The following MYH3 variants were observed in gnomAD, a reference collection of about 807,000 sequenced individuals.
The protein encoded by MYH3 is myosin heavy chain 3, also known as myosin-3.
In MYH3, 130 loss-of-function variants were observed where a neutral mutation model predicts 238.0. That is an observed-to-expected ratio of 0.55 (90% CI 0.47 to 0.63). The LOEUF (loss-of-function observed/expected upper bound fraction) is 0.63, where lower values mean the gene tolerates loss of function less well. Among genes scored for constraint, MYH3 ranks in the 30% least tolerant of loss-of-function variants. The pLI, the probability that MYH3 is intolerant of heterozygous loss-of-function variation, is 0.00. For missense variants in MYH3, 1,853 were observed against 2,374.9 expected, an observed-to-expected ratio of 0.78 and a Z score of 4.57; for synonymous variants, 880 against 924.1, an observed-to-expected ratio of 0.95 and a Z score of 0.86.
Position 10,642,620 on chromosome 17 carries a change from T to C in MYH3, c.1685A>G (p.Asn562Ser), listed in dbSNP as rs202059106. The C allele has an allele frequency of 3.1e-6, 5 of 1,614,110 alleles. No homozygotes were observed. In the African/African-American group the frequency reaches 4.0e-5, roughly 13 times the overall value. The change falls in exon 16 of 41, where the codon AAC (asparagine) becomes AGC (serine). Residue 562 changes from asparagine to serine, a missense_variant. Transcript: ENST00000583535. This position sits in a 1 kb window ranked among gnomAD's most constrained non-coding sequence, Gnocchi z 5.4. ...GACCACCTTGGGCTTCTGGAAGTTG[T>C]TGGACTTTCCAAGATGCTGGTCATA... Reference protein sequence around the residue: ...KLYDQHLGKSNNFQKPKVVKG... With the variant: ...KLYDQHLGKSSNFQKPKVVKG...
chr17:10,644,708 A>C lies in MYH3; in HGVS notation c.1142-6T>G. The stretch of plus-strand genomic sequence containing the variant: ...ATAGGCTGTTTTGTCAGCCACTGGC[A>C]AGAAAACAAGGACAGTGCTTAGAAA... On this transcript the variant is annotated splice_region_variant and splice_polypyrimidine_tract_variant and intron_variant, in intron 12 of 40. Coordinates refer to ENST00000583535, the MANE Select transcript of MYH3 (RefSeq NM_002470.4). 6.3e-7 allele frequency: 1 copy of C among 1,594,048 alleles called. No individual in the cohort carries two copies. Among genetic ancestry groups the C allele is most frequent in the Non-Finnish European group, 8.6e-7 (1 of 1,162,086 alleles).
In MYH3 at chr17:10,634,331, A is replaced by G; in HGVS notation, c.4357-149T>C. 11 of 920,144 alleles carry G rather than the reference A, an allele frequency of 1.2e-5. No homozygotes were observed. The South Asian group carries it at 1.5e-4, about 13-fold the overall frequency. 57.0% of individuals were successfully genotyped at this position (920,144 alleles called of 1,614,324 possible). On this transcript the variant is annotated intron_variant, in intron 31 of 40. Coordinates refer to ENST00000583535, the MANE Select transcript of MYH3 (RefSeq NM_002470.4). The stretch of plus-strand genomic sequence containing the variant: ...GTTGTCGATTATTGGGCTAATCAAG[A>G]TTCTGTTCCATAAATGTACTCAAGG...
chr17:10,648,035 T>C (rs961425976), intron 8 of MYH3, among the ~76,000 whole-genome samples: 2 of 152,256 alleles, frequency 1.3e-5, no homozygotes, highest in African/African-American at 4.8e-5. Context: ...CCCTGGCTTA[T>C]AGAATCCCTC....
At chr17:10,666,244 A>G in the MYH3 span, among the ~76,000 whole-genome samples, 3 of 152,230 alleles carry the variant, frequency 2.0e-5, no homozygotes, top group Non-Finnish European at 4.4e-5. Flanking sequence ...ATCCAACATC[A>G]TAACAATTAA....
chr17:10,630,496 G>C (rs778547952), intron 36 of MYH3, 38 bp from the exon 37 acceptor site: 11 of 1,613,534 alleles, frequency 6.8e-6, no homozygotes, highest in Non-Finnish European at 8.5e-6. Flanking sequence ...TGCAGAGGAA[G>C]CTCCAGTGCC....
rs192765995 is a variant in MYH3 at position 10,638,005 on chromosome 17, G to A, written c.3729+38C>T. The A allele has an allele frequency of 7.5e-5, 121 of 1,614,062 alleles. No homozygotes were observed. The East Asian group carries it at 2.1e-3, about 29-fold the overall frequency. ...GTTTCAATGACCACGGAGTGTGTCT[G>A]ATGGAAAGCCTTGAGCCACCCCCAC... On this transcript the variant is annotated intron_variant, in intron 27 of 40. Transcript: ENST00000583535.
At chr17:10,670,394 C>T in the MYH3 span, among the ~76,000 whole-genome samples, 6 of 152,194 alleles carry the variant, frequency 3.9e-5, no homozygotes, top group Non-Finnish European at 5.9e-5. This position sits in a 1 kb window ranked among gnomAD's most constrained non-coding sequence, Gnocchi z 7.0. Context: ...CAGAGATAAA[C>T]TATCTTACTG....
the MYH3 span, among the ~76,000 whole-genome samples, chr17:10,669,323 C>A: frequency 6.6e-6 from 1 of 152,108 alleles, no homozygotes; most frequent in African/African-American, 2.4e-5. Context: ...GAGGCCCAGG[C>A]AGGCAGATCA....
At position 10,640,381 on chromosome 17, in the gene MYH3, C is replaced by T. The variant is rs1343338130; in HGVS notation, c.2378G>A (p.Cys793Tyr). 2.5e-6 allele frequency: 4 copies of T among 1,614,138 alleles called. No homozygotes were observed. Among genetic ancestry groups the T allele is most frequent in the African/African-American group, 1.3e-5 (1 of 74,942 alleles). Residue 793 changes from cysteine (C) to tyrosine (Y), a missense_variant, in exon 21 of 41, where the codon TGC becomes TAC. Cys to Tyr is a radical substitution (Grantham distance 194). This residue lies in a region of MYH3 where 678 missense variants were observed against 1,058.9 expected (regional missense o/e 0.64). Transcript: ENST00000583535. Reference sequence around the variant, plus strand: ...TTCCACACGCATGAGGAACCCTCTGCACACAGCTTGTGTCCGGGTGATTAG... The same window carrying T: ...TTCCACACGCATGAGGAACCCTCTGTACACAGCTTGTGTCCGGGTGATTAG... ...AKLITRTQAV[C>Y]RGFLMRVEFQ...
At chr17:10,664,491 A>T in the MYH3 span, among the ~76,000 whole-genome samples, 2 of 152,222 alleles carry the variant, frequency 1.3e-5, no homozygotes, top group Admixed American at 1.3e-4. Flanking sequence ...GAGTTATGAC[A>T]TAAGCTGGAA....
chr17:10,644,318 C>T (rs754976257), intron 14 of MYH3, 33 bp downstream of exon 14: 6 of 1,599,232 alleles, frequency 3.8e-6, no homozygotes, highest in Admixed American at 1.7e-5. Context: ...TCATATGAAG[C>T]CATATGAAAA....
intron 4 of MYH3, chr17:10,652,069 G>A (rs892062628): frequency 2.5e-6 from 1 of 397,306 alleles, no homozygotes; most frequent in Non-Finnish European, 4.8e-6. Context: ...TGTTTCTTTG[G>A]GATAAACTTA....
chr17:10,638,133 C>T lies in MYH3; in HGVS notation c.3639G>A (p.Arg1213=). The T allele has an allele frequency of 6.2e-7, 1 of 1,613,818 alleles. No individual in the cohort carries two copies. The highest frequency in any genetic ancestry group is 8.5e-7 in the Non-Finnish European group (1 of 1,179,990). Residue 1213 remains arginine (R), a synonymous_variant, in exon 27 of 41, where the codon CGG becomes CGA. Transcript: ENST00000583535. ...TCTCCTTCTCCAGCTTCTGCTTGAC[C>T]CGCTGCAGGTTGTCAATCTGCTCCC... ...ELGEQIDNLQ[R]VKQKLEKEKS... is the part of the protein sequence containing the mutation.
the MYH3 span, among the ~76,000 whole-genome samples, chr17:10,668,782 T>G: frequency 1.3e-5 from 2 of 152,220 alleles, no homozygotes; most frequent in Admixed American, 1.3e-4. Flanking sequence ...AGTTTTCTGA[T>G]GCTTTAGTTT....
At position 10,648,570 on chromosome 17, in the gene MYH3, T is replaced by C. The variant is rs760944957; in HGVS notation, c.722A>G (p.Asn241Ser). The change falls in exon 8 of 41, where the codon AAC (asparagine) becomes AGC (serine). Residue 241 changes from asparagine (N) to serine (S), a missense_variant. Physicochemically the swap from Asn to Ser is conservative, Grantham distance 46 (BLOSUM62 1). Around this residue, in one of 3 missense-constraint regions of MYH3, gnomAD observed 678 missense variants for 1,058.9 expected, o/e 0.64. Coordinates refer to ENST00000583535, the MANE Select transcript of MYH3 (RefSeq NM_002470.4). Reference protein sequence around the residue: ...FGNAKTVRNDNSSRFGKFIRI... With the variant: ...FGNAKTVRNDSSSRFGKFIRI... ...ACTCAGACTCACAAAACGGGAGGAG[T>C]TGTCATTCCTCACAGTCTTGGCGTT... The C allele has an allele frequency of 1.4e-5, 23 of 1,613,384 alleles. No individual in the cohort carries two copies. Among genetic ancestry groups the C allele is most frequent in the Admixed American group, 1.3e-4 (8 of 59,958 alleles).
the MYH3 span, chr17:10,674,956 G>C: frequency 6.6e-6 from 1 of 152,226 alleles, no homozygotes; most frequent in Non-Finnish European, 1.5e-5. Context: ...GACTGACAAC[G>C]ACCAGCTGCT....
intron 31 of MYH3, 84 bp from the exon 32 acceptor site, chr17:10,634,266 A>G: frequency 6.6e-7 from 1 of 1,516,654 alleles, no homozygotes; most frequent in Non-Finnish European, 9.1e-7. Context: ...AATTAAATGC[A>G]GAGTTAGGGC....
chr17:10,662,040 T>TTTTTG (rs758043973), upstream of MYH3, among the ~76,000 whole-genome samples: 15 of 151,528 alleles, frequency 9.9e-5, no homozygotes, highest in East Asian at 2.5e-3. Flanking sequence ...TTTTTTTTTT[T>TTTTTG]AGACAGGGTC....
rs1230080457 is a variant in MYH3, at chr17:10,640,410, G to A, written c.2349C>T (p.Ala783=). Residue 783 remains alanine (A), a synonymous_variant, in exon 21 of 41, where the codon GCC becomes GCT. Coordinates refer to ENST00000583535, the MANE Select transcript of MYH3 (RefSeq NM_002470.4). The stretch of plus-strand genomic sequence containing the variant: ...CAGCTTGTGTCCGGGTGATTAGTTT[G>A]GCCAGGCGGTCATCCCGCATCTCTT... ...TLEEMRDDRL[A]KLITRTQAVC... The A allele has an allele frequency of 6.2e-7, 1 of 1,614,230 alleles. No homozygotes were observed. The highest frequency in any genetic ancestry group is 8.5e-7 in the Non-Finnish European group (1 of 1,180,048).
Sources: gnomAD v4.1 joint callset for allele counts (sites outside exome capture counted in the v4.1 genomes callset) on GRCh38, gnomAD v4.1.1 for gene constraint, gnomAD v4.1.1 regional missense constraint, Gnocchi (gnomAD v3.1) non-coding constraint, MANE v1.5 for transcripts, NCBI Gene and HGNC (gene_info 2026-07-23, HGNC 2026-07-21) for gene names.